Variants in ERBIN observed in about 807,000 individuals in gnomAD.
The protein encoded by ERBIN is erbb2 interacting protein.
Under a neutral mutation model 158.4 loss-of-function variants are expected in ERBIN, and 60 were observed. The ratio of observed to expected loss-of-function variants is 0.38; its 90% CI spans 0.31 to 0.47. The LOEUF (loss-of-function observed/expected upper bound fraction) is 0.47, where lower values mean the gene tolerates loss of function less well. Among genes scored for constraint, ERBIN ranks in the 20% least tolerant of loss-of-function variants. The probability of loss-of-function intolerance (pLI) is 0.99; values close to 1 mark genes in which losing one functional copy is unlikely to be tolerated. For synonymous variants in ERBIN, 594 were observed against 557.2 expected, an observed-to-expected ratio of 1.07 and a Z score of -0.93; for missense variants, 1,610 against 1,648.0, an observed-to-expected ratio of 0.98 and a Z score of 0.40.
chr5:65,995,937 T>C (rs1251716216), intron 4 of ERBIN, among the ~76,000 whole-genome samples: 1 of 152,222 alleles, frequency 6.6e-6, no homozygotes, highest in African/African-American at 2.4e-5. Context: ...TCAGGTCATT[T>C]GCTGATTTTT....
intron 1 of ERBIN, among the ~76,000 whole-genome samples, chr5:65,929,657 T>TTTC (rs1561255174): frequency 3.5e-5 from 5 of 141,426 alleles, no homozygotes; most frequent in South Asian, 2.2e-4. Flanking sequence ...TTTTTTTTTT[T>TTTC]CGAGATGGAG....
At chr5:65,963,907 C>T (rs1026160000) in intron 1 of ERBIN, among the ~76,000 whole-genome samples, 2 of 151,340 alleles carry the variant, frequency 1.3e-5, no homozygotes, top group African/African-American at 4.9e-5. Context: ...AAAAGCCATT[C>T]TCCTGCCTCA....
intron 1 of ERBIN, among the ~76,000 whole-genome samples, chr5:65,983,879 C>T (rs573268849): frequency 3.3e-5 from 5 of 152,198 alleles, no homozygotes; most frequent in African/African-American, 1.2e-4. Flanking sequence ...CGCCTCAGTC[C>T]CCTGCACAGA....
intron 4 of ERBIN, among the ~76,000 whole-genome samples, chr5:66,003,969 C>T (rs1004365370): frequency 1.5e-4 from 15 of 102,212 alleles, no homozygotes; most frequent in African/African-American, 2.3e-4. Flanking sequence ...GTGTCTTGCT[C>T]TGTTTGTTTC....
chr5:65,962,469 C>T (rs1748027338), intron 1 of ERBIN, among the ~76,000 whole-genome samples: 1 of 152,112 alleles, frequency 6.6e-6, no homozygotes, highest in South Asian at 2.1e-4. Flanking sequence ...AGAGAAGAAA[C>T]TGAATTTGTA....
chr5:66,078,424 C>T lies in ERBIN; in HGVS notation c.4133C>T (p.Ala1378Val), dbSNP rs1457637719. Residue 1378 changes from alanine (A) to valine (V), a missense_variant and splice_region_variant, in exon 26 of 26, where the codon GCT becomes GTT. Around this residue, in one of 2 missense-constraint regions of ERBIN, gnomAD observed 1,014 missense variants for 936.1 expected, o/e 1.08. Transcript: ENST00000284037. ...LLQPGDKIIQ[A>V]NGYSFINIEH... ...CTAAAAGCATTTTTCCTCTTCTAGGCTAATGGCTACAGTTTTATAAATATT... is the reference window on the plus strand; with the variant it reads ...CTAAAAGCATTTTTCCTCTTCTAGGTTAATGGCTACAGTTTTATAAATATT... The T allele has an allele frequency of 6.4e-7, 1 of 1,565,916 alleles. No individual in the cohort carries two copies. The highest frequency in any genetic ancestry group is 1.4e-5 in the African/African-American group (1 of 71,598).
chr5:65,960,233 C>G (rs1561298408), intron 1 of ERBIN, among the ~76,000 whole-genome samples: 1 of 152,134 alleles, frequency 6.6e-6, no homozygotes. Context: ...TGAAAGAAGT[C>G]TGATACAGAA....
chr5:66,018,539 A>ATATATATTATATAATATATAT (rs1755211144), intron 7 of ERBIN, among the ~76,000 whole-genome samples: 1 of 9,484 alleles, frequency 1.1e-4, no homozygotes, highest in Non-Finnish European at 3.9e-4. Context: ...ATATTATATA[A>ATATATATTATATAATATATAT]TATATATTAT....
intron 4 of ERBIN, among the ~76,000 whole-genome samples, chr5:65,995,272 C>G (rs1265896649): frequency 6.6e-6 from 1 of 152,066 alleles, no homozygotes; most frequent in Non-Finnish European, 1.5e-5. Context: ...CAACATATTC[C>G]AATCCTCCAT....
chr5:65,935,972 C>T (rs1413017882), intron 1 of ERBIN, among the ~76,000 whole-genome samples: 1 of 152,122 alleles, frequency 6.6e-6, no homozygotes, highest in Non-Finnish European at 1.5e-5. Context: ...GTGATCCTTC[C>T]ACCTCGAACC....
chr5:65,978,973 G>A (rs1750343165), intron 1 of ERBIN, among the ~76,000 whole-genome samples: 1 of 152,180 alleles, frequency 6.6e-6, no homozygotes, highest in African/African-American at 2.4e-5. Context: ...AGGTGACTGT[G>A]GGTCGGTGAT....
In ERBIN at chr5:66,080,643, T is replaced by A. The variant is rs1762345851; in HGVS notation, c.*2113T>A. The A allele has an allele frequency of 6.6e-6, 1 of 152,084 alleles. No homozygotes were observed. Among genetic ancestry groups the A allele is most frequent in the South Asian group, 2.1e-4 (1 of 4,830 alleles). 9.4% of individuals were successfully genotyped at this position (152,084 alleles called of 1,614,324 possible). A position where few individuals can be genotyped will look rare whatever the true frequency, so the allele number is the denominator to read the frequency against. On this transcript the variant is annotated 3_prime_UTR_variant, in exon 26 of 26. Transcript: ENST00000284037. ...ATTCTACTTTTAATCAGAAATATATTTAATAAGTATAATTGTGAAGTTTTC... is the reference window on the plus strand; with the variant it reads ...ATTCTACTTTTAATCAGAAATATATATAATAAGTATAATTGTGAAGTTTTC...
chr5:65,971,754 G>T lies in ERBIN; in HGVS notation c.-57-16881G>T, dbSNP rs542915906. ...TTATGGCTTCAGATGTTACAGTTCC[G>T]CTAAATGCAGGGACAGACTTGCTAT... On this transcript the variant is annotated intron_variant, in intron 1 of 25. Transcript: ENST00000284037. 1.1e-4 allele frequency among the ~76,000 whole-genome samples: 17 copies of T among 152,276 alleles called. No homozygotes were observed. In the South Asian group the frequency reaches 3.1e-3, roughly 28 times the overall value.
At chr5:66,013,484 T>G (rs1561372883) in intron 5 of ERBIN, 65 bp from the exon 6 acceptor site, 3 of 1,143,188 alleles carry the variant, frequency 2.6e-6, no homozygotes, top group Admixed American at 3.5e-5. Flanking sequence ...TGTGAGAGTC[T>G]TAGATTTTAA....
At chr5:65,959,564 C>T (rs188711897) in intron 1 of ERBIN, among the ~76,000 whole-genome samples, 1 of 152,068 alleles carries the variant, frequency 6.6e-6, no homozygotes, top group African/African-American at 2.4e-5. Context: ...TGTAAGTATT[C>T]TGAGGATGGA....
chr5:65,928,332 G>A lies in ERBIN; in HGVS notation c.-58+1526G>A, dbSNP rs1228170079. Reference sequence around the variant, plus strand: ...CTAGCTTTATCAAAGAATTTAAAGTGCATAACTCATCTACTTTATGATTTT... The same window carrying A: ...CTAGCTTTATCAAAGAATTTAAAGTACATAACTCATCTACTTTATGATTTT... On this transcript the variant is annotated intron_variant, in intron 1 of 25. Coordinates refer to ENST00000284037, the MANE Select transcript of ERBIN (RefSeq NM_001253697.2). 2.0e-5 allele frequency among the ~76,000 whole-genome samples: 3 copies of A among 151,576 alleles called. No individual in the cohort carries two copies. In the East Asian group the frequency reaches 5.8e-4, roughly 29 times the overall value.
chr5:66,040,057 C>G (rs188857683), intron 15 of ERBIN, among the ~76,000 whole-genome samples: 3 of 151,926 alleles, frequency 2.0e-5, no homozygotes, highest in Non-Finnish European at 4.4e-5. Context: ...TATTTCAAAG[C>G]TAAACCTGCT....
intron 21 of ERBIN, among the ~76,000 whole-genome samples, chr5:66,068,139 A>G (rs1316593606): frequency 6.6e-6 from 1 of 151,910 alleles, no homozygotes; most frequent in Admixed American, 6.6e-5. Context: ...ACCACCCTGG[A>G]CAAGTGTAGT....
In ERBIN at chr5:66,028,349, C is replaced by T; in HGVS notation, c.1206+6C>T. ...TGTGGCTCTCAGATAATCAGGTGGGCATTCTGATTTTATAAGTTAATGGAG... is the reference window on the plus strand; with the variant it reads ...TGTGGCTCTCAGATAATCAGGTGGGTATTCTGATTTTATAAGTTAATGGAG... On this transcript the variant is annotated splice_donor_region_variant and intron_variant, in intron 14 of 25. Transcript: ENST00000284037. 6.2e-7 allele frequency: 1 copy of T among 1,608,992 alleles called. No individual in the cohort carries two copies. Among genetic ancestry groups the T allele is most frequent in the Non-Finnish European group, 8.5e-7 (1 of 1,176,520 alleles).
Sources: gnomAD v4.1 joint callset for allele counts (sites outside exome capture counted in the v4.1 genomes callset) on GRCh38, gnomAD v4.1.1 for gene constraint, gnomAD v4.1.1 regional missense constraint, MANE v1.5 for transcripts, NCBI Gene and HGNC (gene_info 2026-07-23, HGNC 2026-07-21) for gene names.